ITPR2: variants seen among roughly 807,000 people sequenced by gnomAD.
The protein encoded by ITPR2 is inositol 1,4,5-trisphosphate receptor type 2.
ITPR2 carries 207 observed loss-of-function variants against 317.1 expected under a neutral mutation model. That is an observed-to-expected ratio of 0.65 (90% CI 0.58 to 0.73). The LOEUF is 0.73. ITPR2 is among the 30% of genes least tolerant of loss of function. ITPR2 has a pLI of 0.00. For missense variants in ITPR2, 2,613 were observed against 3,284.0 expected, an observed-to-expected ratio of 0.80 and a Z score of 4.99; for synonymous variants, 1,156 against 1,149.1, an observed-to-expected ratio of 1.01 and a Z score of -0.12.
chr12:26,415,592 T>A (rs1166441164), intron 50 of ITPR2, 94 bp from the exon 51 acceptor site: 5 of 849,726 alleles, frequency 5.9e-6, no homozygotes, highest in Non-Finnish European at 8.6e-6. Context: ...ATGCAAGCCA[T>A]TCTAGTTTAT....
intron 49 of ITPR2, among the ~76,000 whole-genome samples, chr12:26,420,887 AT>A (rs1353894921): frequency 6.6e-6 from 1 of 152,116 alleles, no homozygotes; most frequent in African/African-American, 2.4e-5. Flanking sequence ...AATTATTTAA[AT>A]TGTTTTGAAT....
intron 21 of ITPR2, among the ~76,000 whole-genome samples, chr12:26,638,321 TTTAC>T (rs1452172387): frequency 2.0e-5 from 3 of 152,356 alleles, no homozygotes; most frequent in African/African-American, 7.2e-5. Context: ...TGAAATGTAA[TTTAC>T]TTACAGTGAA....
intron 45 of ITPR2, among the ~76,000 whole-genome samples, chr12:26,470,899 G>C (rs886190484): frequency 2.0e-5 from 3 of 152,144 alleles, no homozygotes; most frequent in African/African-American, 7.2e-5. Context: ...AAGTACATTA[G>C]AAACCTAAAT....
chr12:26,431,173 A>G (rs1941197155), intron 48 of ITPR2, among the ~76,000 whole-genome samples: 6 of 152,188 alleles, frequency 3.9e-5, no homozygotes, highest in Admixed American at 3.9e-4. Flanking sequence ...ACCATGAAGA[A>G]CTCATTTTCT....
chr12:26,650,076 T>G (rs1320269216), intron 21 of ITPR2, among the ~76,000 whole-genome samples: 1 of 142,720 alleles, frequency 7.0e-6, no homozygotes, highest in East Asian at 2.8e-4. Flanking sequence ...ATCAGATTGC[T>G]GAAAGAATAA....
intron 39 of ITPR2, among the ~76,000 whole-genome samples, chr12:26,492,292 A>G (rs1045591100): frequency 6.6e-6 from 1 of 152,190 alleles, no homozygotes; most frequent in African/African-American, 2.4e-5. Context: ...TAGAAGGTGC[A>G]GTTTCCAATG....
intron 25 of ITPR2, among the ~76,000 whole-genome samples, chr12:26,621,538 G>A (rs544302627): frequency 6.6e-6 from 1 of 152,108 alleles, no homozygotes; most frequent in East Asian, 1.9e-4. Context: ...GACTCTGTTT[G>A]AAAAGAGGCA....
chr12:26,383,003 G>A (rs565930549), intron 55 of ITPR2, among the ~76,000 whole-genome samples: 22 of 152,326 alleles, frequency 1.4e-4, no homozygotes, highest in African/African-American at 3.8e-4. Flanking sequence ...TGGTGTTGGA[G>A]GTGGGGCTTA....
At chr12:26,371,780 C>A (rs1939197330) in intron 55 of ITPR2, among the ~76,000 whole-genome samples, 1 of 152,156 alleles carries the variant, frequency 6.6e-6, no homozygotes, top group South Asian at 2.1e-4. Context: ...TTCCACCACA[C>A]CCATCCCTTC....
intron 36 of ITPR2, among the ~76,000 whole-genome samples, chr12:26,554,839 T>C (rs141733611): frequency 3.3e-5 from 5 of 152,238 alleles, no homozygotes; most frequent in Non-Finnish European, 7.4e-5. Context: ...AGTTCTCACA[T>C]GCATGTATGT....
At chr12:26,401,193 C>T (rs369433933) in intron 52 of ITPR2, among the ~76,000 whole-genome samples, 2 of 151,776 alleles carry the variant, frequency 1.3e-5, no homozygotes, top group East Asian at 1.9e-4. Context: ...CACACCACTG[C>T]ATTCCAGCCT....
chr12:26,474,793 C>CAAAAAA (rs10616680), intron 45 of ITPR2, among the ~76,000 whole-genome samples: 2 of 84,062 alleles, frequency 2.4e-5, no homozygotes, highest in Non-Finnish European at 2.2e-5. Context: ...GACTCCGTCT[C>CAAAAAA]AAAAAAAAAA....
chr12:26,617,128 C>T (rs967389086), intron 26 of ITPR2, among the ~76,000 whole-genome samples: 2 of 152,014 alleles, frequency 1.3e-5, no homozygotes, highest in Admixed American at 6.5e-5. Context: ...AGGGTAGCAC[C>T]CCTGACCATC....
At chr12:26,500,178 T>C (rs11048553) in intron 37 of ITPR2, among the ~76,000 whole-genome samples, 54,782 of 152,116 alleles carry the variant, frequency 0.36, 12,233 homozygotes, top group Non-Finnish European at 0.5. Flanking sequence ...CTTGATAGTT[T>C]GCACTATCTG....
chr12:26,608,368 C>A (rs1946185864), intron 26 of ITPR2, among the ~76,000 whole-genome samples: 1 of 152,218 alleles, frequency 6.6e-6, no homozygotes, highest in African/African-American at 2.4e-5. Flanking sequence ...TTCATAAGAA[C>A]ACATCAGGAA....
intron 54 of ITPR2, among the ~76,000 whole-genome samples, chr12:26,390,708 T>A (rs1939806537): frequency 6.6e-6 from 1 of 152,118 alleles, no homozygotes; most frequent in African/African-American, 2.4e-5. Context: ...ACCACTGAAT[T>A]GTACATATTA....
intron 45 of ITPR2, among the ~76,000 whole-genome samples, chr12:26,471,918 C>T (rs767871963): frequency 6.6e-6 from 1 of 152,224 alleles, no homozygotes; most frequent in Non-Finnish European, 1.5e-5. Flanking sequence ...TACAAGCAAC[C>T]ACTCCTTGTG....
intron 26 of ITPR2, among the ~76,000 whole-genome samples, chr12:26,616,262 C>A (rs1234258858): frequency 6.6e-6 from 1 of 151,996 alleles, no homozygotes; most frequent in East Asian, 1.9e-4. Context: ...CTCAGCCTCC[C>A]GAGTAGCTGG....
intron 1 of ITPR2, among the ~76,000 whole-genome samples, chr12:26,816,528 A>T (rs1378428568): frequency 6.6e-6 from 1 of 152,216 alleles, no homozygotes; most frequent in Non-Finnish European, 1.5e-5. Flanking sequence ...ATACTTCTTG[A>T]GTATCTACTA....
Sources: allele counts gnomAD v4.1 joint callset (sites outside exome capture counted in the v4.1 genomes callset), GRCh38; gene constraint gnomAD v4.1.1; transcripts MANE v1.5; gene names NCBI Gene and HGNC (gene_info 2026-07-23, HGNC 2026-07-21).